RPL27A: variants seen among roughly 807,000 people sequenced by gnomAD.
RPL27A encodes the protein ribosomal protein L27a.
For missense variants in RPL27A, 118 were observed against 189.4 expected, an observed-to-expected ratio of 0.62 and a Z score of 2.21; for synonymous variants, 69 against 68.3, an observed-to-expected ratio of 1.01 and a Z score of -0.05.
intron 4 of RPL27A, chr11:8,685,435 C>G (rs965009240): frequency 4.5e-6 from 3 of 672,212 alleles, no homozygotes; most frequent in African/African-American, 3.5e-5. Context: ...GAGGCTTATG[C>G]TTTGCCGAGA....
rs1432057025 is a variant in RPL27A, at chr11:8,688,499, C to T, written c.*2693C>T. ...CGATTCCAGTGCTTTCTTGAACCCG[C>T]ATTTACTAAAATATTTTCATGACTG... On this transcript the variant is annotated 3_prime_UTR_variant, in exon 5 of 5. Transcript: ENST00000314138. 4.6e-5 allele frequency: 7 copies of T among 152,206 alleles called. No individual in the cohort carries two copies. The highest frequency in any genetic ancestry group is 4.6e-4 in the Admixed American group (7 of 15,292). 9.4% of individuals were successfully genotyped at this position (152,206 alleles called of 1,614,324 possible). A position where few individuals can be genotyped will look rare whatever the true frequency, so the allele number is the denominator to read the frequency against.
At position 8,689,580 on chromosome 11, in the gene RPL27A, C is replaced by T. The variant is rs1301223165; in HGVS notation, c.*3774C>T. ...TAATATTTTCTCTTTCGAGAGTTTT[C>T]ATGGCCTTTTAAATTACACCCCCAC... On this transcript the variant is annotated 3_prime_UTR_variant, in exon 5 of 5. Transcript: ENST00000314138. 2 of 151,514 alleles carry T rather than the reference C, an allele frequency of 1.3e-5. No individual in the cohort carries two copies. Among genetic ancestry groups the T allele is most frequent in the Non-Finnish European group, 2.9e-5 (2 of 67,990 alleles). The allele number at this position is 151,514 out of a possible 1,614,324, so 9.4% of individuals were successfully genotyped here.
rs760354952 is a variant in RPL27A, at chr11:8,687,389, T to TCC, written c.*1584_*1585dup. 0.038 allele frequency: 3,779 copies of TCC among 100,352 alleles called. 362 individuals are homozygous for TCC. Among genetic ancestry groups the TCC allele is most frequent in the African/African-American group, 0.048 (1,466 of 30,248 alleles). 6.2% of individuals were successfully genotyped at this position (100,352 alleles called of 1,614,324 possible). On this transcript the variant is annotated 3_prime_UTR_variant, in exon 5 of 5. Transcript: ENST00000314138. ...CTTGGGCAACAAGAGTGAAACTCTGTCCACCCCCCCCAAAAAAAGTAAGGG... is the reference window on the plus strand; with the variant it reads ...CTTGGGCAACAAGAGTGAAACTCTGTCCCCACCCCCCCCAAAAAAAGTAAGGG...
chr11:8,685,373 G>A (rs758472763), intron 4 of RPL27A: 21 of 582,228 alleles, frequency 3.6e-5, no homozygotes, highest in Non-Finnish European at 4.3e-5. Flanking sequence ...AGTTCTGGTG[G>A]TCAGGAAGGT....
At position 8,689,685 on chromosome 11, in the gene RPL27A, G is replaced by C. The variant is rs1373817392; in HGVS notation, c.*3879G>C. 1.3e-5 allele frequency: 2 copies of C among 152,110 alleles called. No homozygotes were observed. The highest frequency in any genetic ancestry group is 2.9e-5 in the Non-Finnish European group (2 of 68,022). The allele number at this position is 152,110 out of a possible 1,614,324, so 9.4% of individuals were successfully genotyped here. ...AAACGTATTTTGTGTAGCTCCCCTA[G>C]CAAGAATATAGGTTAAAGCGTAAAT... On this transcript the variant is annotated 3_prime_UTR_variant, in exon 5 of 5. Transcript: ENST00000314138.
At position 8,685,977 on chromosome 11, in the gene RPL27A, G is replaced by GT. The variant is rs2039583860; in HGVS notation, c.*172dup. 2.0e-5 allele frequency: 12 copies of GT among 613,484 alleles called. No individual in the cohort carries two copies. The highest frequency in any genetic ancestry group is 3.0e-5 in the Admixed American group (1 of 33,748). The allele number at this position is 613,484 out of a possible 1,614,324, so 38.0% of individuals were successfully genotyped here. A position where few individuals can be genotyped will look rare whatever the true frequency, so the allele number is the denominator to read the frequency against. On this transcript the variant is annotated 3_prime_UTR_variant, in exon 5 of 5. Coordinates refer to ENST00000314138, the MANE Select transcript of RPL27A (RefSeq NM_000990.5). Reference sequence around the variant, plus strand: ...GACTTCCCTCAAATATATGGTAAACGTAAGACCAACACAGACGTTGGCCAG... The same window carrying GT: ...GACTTCCCTCAAATATATGGTAAACGTTAAGACCAACACAGACGTTGGCCAG...
Position 8,688,797 on chromosome 11 carries a change from A to G in RPL27A, c.*2991A>G, listed in dbSNP as rs2039610037. 1 of 152,374 alleles carries G rather than the reference A, an allele frequency of 6.6e-6. No homozygotes were observed. Among genetic ancestry groups the G allele is most frequent in the Admixed American group, 6.5e-5 (1 of 15,308 alleles). 9.4% of individuals were successfully genotyped at this position (152,374 alleles called of 1,614,324 possible). On this transcript the variant is annotated 3_prime_UTR_variant, in exon 5 of 5. Coordinates refer to ENST00000314138, the MANE Select transcript of RPL27A (RefSeq NM_000990.5). ...ACTACTAAACCCTACTTAGCGGCTAACTAGCCCAAGAGCAGACAGCCCACG... is the reference window on the plus strand; with the variant it reads ...ACTACTAAACCCTACTTAGCGGCTAGCTAGCCCAAGAGCAGACAGCCCACG...
chr11:8,686,753 T>C lies in RPL27A; in HGVS notation c.*947T>C, dbSNP rs1424300636. The C allele has an allele frequency of 6.6e-6, 1 of 152,198 alleles. No individual in the cohort carries two copies. Among genetic ancestry groups the C allele is most frequent in the East Asian group, 1.9e-4 (1 of 5,200 alleles). 9.4% of individuals were successfully genotyped at this position (152,198 alleles called of 1,614,324 possible). On this transcript the variant is annotated 3_prime_UTR_variant, in exon 5 of 5. Transcript: ENST00000314138. ...AATAAGTTTTTCTAGGATTTGTGTC[T>C]CTTGCTATTGGAAAACTGATGGTGA...
In RPL27A at chr11:8,687,585, GCCTA is replaced by G. The variant is rs1279505085; in HGVS notation, c.*1783_*1786del. 6.6e-6 allele frequency: 1 copy of G among 152,250 alleles called. No homozygotes were observed. Among genetic ancestry groups the G allele is most frequent in the Admixed American group, 6.5e-5 (1 of 15,286 alleles). The allele number at this position is 152,250 out of a possible 1,614,324, so 9.4% of individuals were successfully genotyped here. ...TCATCTTTAAAATTTCAGTGAAAGT[GCCTA>G]CCTGAGGATTGTGTAGATTAAAATG... On this transcript the variant is annotated 3_prime_UTR_variant, in exon 5 of 5. Coordinates refer to ENST00000314138, the MANE Select transcript of RPL27A (RefSeq NM_000990.5).
intron 1 of RPL27A, 65 bp from the exon 2 acceptor site, chr11:8,683,137 G>T: frequency 3.3e-6 from 5 of 1,512,980 alleles, no homozygotes; most frequent in South Asian, 1.1e-5. Flanking sequence ...GGACCATCTC[G>T]GCTGGCGGGC....
rs927407944 is a variant in RPL27A, at chr11:8,685,936, C to T, written c.*130C>T. On this transcript the variant is annotated 3_prime_UTR_variant, in exon 5 of 5. Coordinates refer to ENST00000314138, the MANE Select transcript of RPL27A (RefSeq NM_000990.5). ...GGTTCTAGTACTTAGGGTATGAAGA[C>T]ATGGGGTCCTCTCCTGACTTCCCTC... is the stretch of plus-strand genomic sequence containing the variant. 1.2e-6 allele frequency: 1 copy of T among 807,470 alleles called. No individual in the cohort carries two copies. The highest frequency in any genetic ancestry group is 2.7e-5 in the Admixed American group (1 of 36,496). The allele number at this position is 807,470 out of a possible 1,614,324, so 50.0% of individuals were successfully genotyped here.
rs1368270984 is a variant in RPL27A at position 8,688,478 on chromosome 11, TC to T, written c.*2674del. The T allele has an allele frequency of 2.0e-5, 3 of 152,230 alleles. No individual in the cohort carries two copies. In the East Asian group the frequency reaches 5.8e-4, roughly 29 times the overall value. The allele number at this position is 152,230 out of a possible 1,614,324, so 9.4% of individuals were successfully genotyped here. On this transcript the variant is annotated 3_prime_UTR_variant, in exon 5 of 5. Coordinates refer to ENST00000314138, the MANE Select transcript of RPL27A (RefSeq NM_000990.5). ...AGTTTTGAGCCCTAAGTCCGCCGAT[TC>T]CAGTGCTTTCTTGAACCCGCATTTA... is the stretch of plus-strand genomic sequence containing the variant.
Position 8,689,641 on chromosome 11 carries a change from C to T in RPL27A, c.*3835C>T, listed in dbSNP as rs2133622694. On this transcript the variant is annotated 3_prime_UTR_variant, in exon 5 of 5. Coordinates refer to ENST00000314138, the MANE Select transcript of RPL27A (RefSeq NM_000990.5). The stretch of plus-strand genomic sequence containing the variant: ...AAATAAATTTGTTTTGGAATGCATA[C>T]CACATCATCTGGCTCTAGAAACGTA... 1 of 152,282 alleles carries T rather than the reference C, an allele frequency of 6.6e-6. No homozygotes were observed. Among genetic ancestry groups the T allele is most frequent in the Middle Eastern group, 3.4e-3 (1 of 294 alleles). The allele number at this position is 152,282 out of a possible 1,614,324, so 9.4% of individuals were successfully genotyped here. A position where few individuals can be genotyped will look rare whatever the true frequency, so the allele number is the denominator to read the frequency against.
At position 8,688,868 on chromosome 11, in the gene RPL27A, A is replaced by G. The variant is rs988231627; in HGVS notation, c.*3062A>G. The G allele has an allele frequency of 1.3e-5, 2 of 152,288 alleles. No homozygotes were observed. Among genetic ancestry groups the G allele is most frequent in the African/African-American group, 4.8e-5 (2 of 41,464 alleles). The allele number at this position is 152,288 out of a possible 1,614,324, so 9.4% of individuals were successfully genotyped here. ...CGCGGGCGGAAGCTGTGCAGCGCCCACCTGGTGGCTCCATCGGCCGCGTTC... is the reference window on the plus strand; with the variant it reads ...CGCGGGCGGAAGCTGTGCAGCGCCCGCCTGGTGGCTCCATCGGCCGCGTTC... On this transcript the variant is annotated 3_prime_UTR_variant, in exon 5 of 5. Coordinates refer to ENST00000314138, the MANE Select transcript of RPL27A (RefSeq NM_000990.5).
At chr11:8,685,138 T>C in intron 4 of RPL27A, 1 of 556,106 alleles carries the variant, frequency 1.8e-6, no homozygotes. Context: ...CTCTTGGCCC[T>C]TCATGTTCTC....
chr11:8,682,948 G>T, intron 1 of RPL27A, 132 bp downstream of exon 1: 1 of 1,289,298 alleles, frequency 7.8e-7, no homozygotes, highest in Non-Finnish European at 1.1e-6. Flanking sequence ...TGCGGGGCAG[G>T]GTGGCCGGCG....
In RPL27A at chr11:8,689,409, A is replaced by T. The variant is rs1047640369; in HGVS notation, c.*3603A>T. The stretch of plus-strand genomic sequence containing the variant: ...AACATAAAAGGAATTTCCTCTTAGG[A>T]GGTTAGGGAAATGAGCACGAAGTAT... On this transcript the variant is annotated 3_prime_UTR_variant, in exon 5 of 5. Transcript: ENST00000314138. 1 of 121,426 alleles carries T rather than the reference A, an allele frequency of 8.2e-6. No individual in the cohort carries two copies. The highest frequency in any genetic ancestry group is 1.7e-5 in the Non-Finnish European group (1 of 58,366). The allele number at this position is 121,426 out of a possible 1,614,324, so 7.5% of individuals were successfully genotyped here.
In RPL27A at chr11:8,685,814, TGGAG is replaced by T; in HGVS notation, c.*13_*16del. 13 of 1,613,130 alleles carry T rather than the reference TGGAG, an allele frequency of 8.1e-6. No individual in the cohort carries two copies. The highest frequency in any genetic ancestry group is 9.3e-6 in the Non-Finnish European group (11 of 1,179,374). ...TGTGTCCTGGTGGCTTGAAGCCACA[TGGAG>T]GGAGTTTCATTAAATGCTAACTACT... On this transcript the variant is annotated 3_prime_UTR_variant, in exon 5 of 5. Coordinates refer to ENST00000314138, the MANE Select transcript of RPL27A (RefSeq NM_000990.5).
intron 4 of RPL27A, 77 bp from the exon 5 acceptor site, chr11:8,685,601 G>A (rs777973664): frequency 6.6e-6 from 10 of 1,519,110 alleles, no homozygotes; most frequent in African/African-American, 1.4e-5. Flanking sequence ...AAAGTGGGTT[G>A]GCAGTCTTTC....
Sources: allele counts gnomAD v4.1 joint callset, GRCh38; gene constraint gnomAD v4.1.1; transcripts MANE v1.5; gene names NCBI Gene and HGNC (gene_info 2026-07-23, HGNC 2026-07-21).